NCAM1: variants seen among roughly 807,000 people sequenced by gnomAD.
The protein encoded by NCAM1 is neural cell adhesion molecule 1.
A neutral mutation model predicts 109.8 loss-of-function variants in NCAM1; 14 were observed. The observed-to-expected ratio is 0.13, with a 90% CI of 0.08 to 0.20. The LOEUF is 0.20. Among genes scored for constraint, NCAM1 ranks in the 10% least tolerant of loss-of-function variants. The pLI, the probability that NCAM1 is intolerant of heterozygous loss-of-function variation, is 1.00. For synonymous variants in NCAM1, 418 were observed against 442.9 expected (o/e 0.94, Z 0.70); for missense variants, 774 against 1,109.9 (o/e 0.70, Z 4.30).
chr11:112,978,677 T>C (rs1373341043), intron 1 of NCAM1, among the ~76,000 whole-genome samples: 1 of 151,760 alleles, frequency 6.6e-6, no homozygotes, highest in East Asian at 1.9e-4. Context: ...ATTTTGGAGG[T>C]CTGTTACTTT....
chr11:113,014,652 C>T (rs113914693), intron 1 of NCAM1, among the ~76,000 whole-genome samples: 3 of 152,324 alleles, frequency 2.0e-5, no homozygotes, highest in African/African-American at 7.2e-5. Flanking sequence ...CTGATGTCTA[C>T]CTTACTATAA....
At chr11:113,038,642 G>A (rs782290504) in intron 1 of NCAM1, among the ~76,000 whole-genome samples, 5 of 152,230 alleles carry the variant, frequency 3.3e-5, no homozygotes, top group Non-Finnish European at 7.3e-5. Flanking sequence ...GAGAGACGGT[G>A]CTGTGGAGGG....
chr11:112,970,360 A>G (rs1950845159), intron 1 of NCAM1, among the ~76,000 whole-genome samples: 1 of 152,168 alleles, frequency 6.6e-6, no homozygotes, highest in African/African-American at 2.4e-5. Flanking sequence ...TATAGCATCC[A>G]CTATGGTGGT....
At chr11:113,249,556 A>G (rs995988181) in intron 15 of NCAM1, among the ~76,000 whole-genome samples, 4 of 152,218 alleles carry the variant, frequency 2.6e-5, no homozygotes, top group African/African-American at 9.7e-5. Flanking sequence ...TCTAATGTCC[A>G]TGAAATAGAG....
chr11:113,210,821 C>CACACACACAT (rs1249418105), intron 7 of NCAM1, among the ~76,000 whole-genome samples: 3 of 144,234 alleles, frequency 2.1e-5, no homozygotes, highest in African/African-American at 8.0e-5. Flanking sequence ...CACACACACA[C>CACACACACAT]ATATTTCACA....
At chr11:113,125,263 G>A (rs1224927294) in intron 1 of NCAM1, among the ~76,000 whole-genome samples, 5 of 152,234 alleles carry the variant, frequency 3.3e-5, no homozygotes, top group South Asian at 2.1e-4. Context: ...CAGGCAAGGC[G>A]GTTTCCACTG....
chr11:113,237,279 A>C (rs1945193442), intron 14 of NCAM1, among the ~76,000 whole-genome samples: 1 of 152,234 alleles, frequency 6.6e-6, no homozygotes, highest in Non-Finnish European at 1.5e-5. Flanking sequence ...GACACAGAAA[A>C]AAAGGTATTC....
intron 4 of NCAM1, 148 bp downstream of exon 4, chr11:113,205,814 T>C: frequency 8.2e-7 from 1 of 1,216,506 alleles, no homozygotes. Flanking sequence ...TAGATGCATA[T>C]CTGAAGTTGG....
chr11:113,058,177 A>C (rs1238722719), intron 1 of NCAM1, among the ~76,000 whole-genome samples: 1 of 152,064 alleles, frequency 6.6e-6, no homozygotes, highest in South Asian at 2.1e-4. Flanking sequence ...CCAGCTACTC[A>C]GGAGACTGAC....
chr11:113,150,265 GA>G (rs1159848105), intron 1 of NCAM1, among the ~76,000 whole-genome samples: 4 of 151,934 alleles, frequency 2.6e-5, no homozygotes, highest in African/African-American at 7.3e-5. Flanking sequence ...TGTTCTTTTT[GA>G]AAAAAATGGA....
intron 1 of NCAM1, among the ~76,000 whole-genome samples, chr11:113,000,847 T>TATATATATATATAC (rs1306306918): frequency 3.4e-4 from 39 of 113,566 alleles, no homozygotes; most frequent in African/African-American, 1.3e-3. Context: ...TATATATATA[T>TATATATATATATAC]ACACAAAAAA....
intron 1 of NCAM1, among the ~76,000 whole-genome samples, chr11:113,085,842 T>C (rs549079690): frequency 9.1e-4 from 138 of 152,320 alleles, no homozygotes; most frequent in Admixed American, 1.9e-3. Flanking sequence ...TCTGAGTAGA[T>C]CTGGGATAGA....
chr11:113,220,600 C>CTTTT (rs1336984958), intron 8 of NCAM1, among the ~76,000 whole-genome samples: 2 of 102,376 alleles, frequency 2.0e-5, no homozygotes, highest in African/African-American at 5.8e-5. Flanking sequence ...CTCTCTCTCT[C>CTTTT]TCTTTTTTTT....
chr11:113,223,388 G>A (rs782650584), intron 9 of NCAM1, among the ~76,000 whole-genome samples: 3 of 152,006 alleles, frequency 2.0e-5, no homozygotes, highest in Non-Finnish European at 4.4e-5. Flanking sequence ...AGGCTGGTCT[G>A]TGGACATCAT....
chr11:113,163,271 C>A (rs1262876344), intron 1 of NCAM1, among the ~76,000 whole-genome samples: 4 of 152,172 alleles, frequency 2.6e-5, no homozygotes, highest in African/African-American at 9.7e-5. Context: ...AAAATAAATA[C>A]CGCAAAAGTG....
intron 1 of NCAM1, among the ~76,000 whole-genome samples, chr11:113,135,260 GA>G (rs1403304526): frequency 6.6e-6 from 1 of 152,078 alleles, no homozygotes; most frequent in African/African-American, 2.4e-5. Context: ...GCCAAGTTAA[GA>G]AAAAAGTAAC....
intron 1 of NCAM1, among the ~76,000 whole-genome samples, chr11:113,078,717 G>C (rs937068549): frequency 2.0e-5 from 3 of 152,072 alleles, no homozygotes; most frequent in African/African-American, 4.8e-5. Flanking sequence ...TAGCTCCTTT[G>C]ACCCCAAAGG....
intron 15 of NCAM1, among the ~76,000 whole-genome samples, chr11:113,253,561 G>A (rs562125775): frequency 2.8e-4 from 43 of 152,224 alleles, no homozygotes; most frequent in African/African-American, 9.6e-4. Context: ...CCCATGATGC[G>A]GAGTTCAGAG....
intron 1 of NCAM1, among the ~76,000 whole-genome samples, chr11:113,086,677 G>T (rs1230982894): frequency 6.6e-6 from 1 of 152,056 alleles, no homozygotes; most frequent in Admixed American, 6.5e-5. Context: ...GGTTTGCCAT[G>T]TTACTTTGCA....
Sources: gnomAD v4.1 joint callset for allele counts (sites outside exome capture counted in the v4.1 genomes callset) on GRCh38, gnomAD v4.1.1 for gene constraint, MANE v1.5 for transcripts, NCBI Gene and HGNC (gene_info 2026-07-23, HGNC 2026-07-21) for gene names.